Variants in KCND2 observed in about 807,000 individuals in gnomAD.
The protein encoded by KCND2 is potassium voltage-gated channel subfamily D member 2, also known as A-type voltage-gated potassium channel KCND2.
A neutral mutation model predicts 54.4 loss-of-function variants in KCND2; 16 were observed. The ratio of observed to expected loss-of-function variants is 0.29; its 90% CI spans 0.20 to 0.45. The LOEUF is 0.45. Among genes scored for constraint, KCND2 ranks in the 20% least tolerant of loss-of-function variants. The pLI is 1.00. For synonymous variants in KCND2, 317 were observed against 310.7 expected, an observed-to-expected ratio of 1.02 and a Z score of -0.21; for missense variants, 486 against 824.2, an observed-to-expected ratio of 0.59 and a Z score of 5.02.
intron 1 of KCND2, among the ~76,000 whole-genome samples, chr7:120,687,077 C>T (rs867558233): frequency 6.6e-6 from 1 of 152,028 alleles, no homozygotes. Flanking sequence ...GCTTGACTAC[C>T]TACTATAACA....
At chr7:120,504,852 A>G (rs1802990639) in intron 1 of KCND2, among the ~76,000 whole-genome samples, 1 of 151,604 alleles carries the variant, frequency 6.6e-6, no homozygotes, top group South Asian at 2.1e-4. Flanking sequence ...TGCTTGTAGA[A>G]TTCCAGATCA....
At chr7:120,694,562 AT>A (rs993764666) in intron 1 of KCND2, among the ~76,000 whole-genome samples, 26 of 152,206 alleles carry the variant, frequency 1.7e-4, no homozygotes, top group African/African-American at 6.0e-4. Context: ...AACTATAGAT[AT>A]TTTTTTCATA....
chr7:120,463,176 A>G (rs939088022), intron 1 of KCND2, among the ~76,000 whole-genome samples: 1 of 152,024 alleles, frequency 6.6e-6, no homozygotes, highest in Non-Finnish European at 1.5e-5. Context: ...TGGTTAAACC[A>G]TGACTTAATT....
intron 1 of KCND2, among the ~76,000 whole-genome samples, chr7:120,315,154 C>G (rs1799795042): frequency 6.6e-6 from 1 of 152,144 alleles, no homozygotes; most frequent in South Asian, 2.1e-4. Context: ...CAGATCCATG[C>G]AAGCTTGAAA....
chr7:120,642,080 T>G (rs1177761618), intron 1 of KCND2, among the ~76,000 whole-genome samples: 1 of 152,090 alleles, frequency 6.6e-6, no homozygotes, highest in Non-Finnish European at 1.5e-5. Flanking sequence ...AAAGCCTCCT[T>G]TAATAGGGTT....
chr7:120,621,290 A>G (rs868825388), intron 1 of KCND2, among the ~76,000 whole-genome samples: 10,729 of 145,976 alleles, frequency 0.073, 540 homozygotes, highest in Non-Finnish European at 0.079. Flanking sequence ...AAAAAAAAAA[A>G]AAAAAAAAAA....
chr7:120,318,384 T>G (rs143226023), intron 1 of KCND2, among the ~76,000 whole-genome samples: 1 of 152,126 alleles, frequency 6.6e-6, no homozygotes, highest in Non-Finnish European at 1.5e-5. Context: ...TCAGAAATAA[T>G]GTCAAATACT....
intron 1 of KCND2, among the ~76,000 whole-genome samples, chr7:120,321,232 A>C (rs1012521884): frequency 2.6e-5 from 4 of 152,170 alleles, no homozygotes; most frequent in African/African-American, 9.6e-5. Context: ...AACTTGTGAC[A>C]AGTGCAGATT....
At chr7:120,713,743 C>T (rs1792569426) in intron 1 of KCND2, among the ~76,000 whole-genome samples, 1 of 152,120 alleles carries the variant, frequency 6.6e-6, no homozygotes, top group South Asian at 2.1e-4. Context: ...ACTAAAGTAA[C>T]AACTGGGACT....
At chr7:120,634,184 A>G (rs1183755045) in intron 1 of KCND2, among the ~76,000 whole-genome samples, 1 of 152,210 alleles carries the variant, frequency 6.6e-6, no homozygotes, top group Non-Finnish European at 1.5e-5. Flanking sequence ...AACTTGCTTC[A>G]ACTCTTTGAG....
chr7:120,467,992 A>G (rs759270471), intron 1 of KCND2, among the ~76,000 whole-genome samples: 1 of 152,120 alleles, frequency 6.6e-6, no homozygotes, highest in Non-Finnish European at 1.5e-5. Flanking sequence ...CACTGTTAAC[A>G]TTAGTGTTGA....
chr7:120,304,946 C>T (rs531019390), intron 1 of KCND2, among the ~76,000 whole-genome samples: 6 of 152,162 alleles, frequency 3.9e-5, no homozygotes, highest in African/African-American at 1.4e-4. Context: ...CTTGAAGAAA[C>T]CTTCTTCTAT....
chr7:120,463,954 G>C (rs575380865), intron 1 of KCND2: 1 of 518,532 alleles, frequency 1.9e-6, no homozygotes, highest in South Asian at 8.3e-5. Flanking sequence ...TCGACAGATG[G>C]ATAGATGAAT....
chr7:120,381,511 T>TAG (rs1280644857), intron 1 of KCND2, among the ~76,000 whole-genome samples: 1 of 152,152 alleles, frequency 6.6e-6, no homozygotes, highest in Admixed American at 6.6e-5. Flanking sequence ...CCAAATGCTT[T>TAG]ATTTTCTTTT....
At chr7:120,412,733 T>C (rs1485692565) in intron 1 of KCND2, among the ~76,000 whole-genome samples, 1 of 152,072 alleles carries the variant, frequency 6.6e-6, no homozygotes, top group Non-Finnish European at 1.5e-5. Flanking sequence ...CCAGAATGCT[T>C]TCTCCACACA....
At chr7:120,742,272 AAG>A (rs1792951316) in intron 3 of KCND2, 2 of 493,770 alleles carry the variant, frequency 4.1e-6, no homozygotes, top group African/African-American at 3.9e-5. Context: ...GAATGAGTAA[AAG>A]AGATTTCAAA....
intron 1 of KCND2, among the ~76,000 whole-genome samples, chr7:120,656,841 G>A (rs1010803463): frequency 2.6e-5 from 4 of 151,978 alleles, no homozygotes; most frequent in Admixed American, 6.6e-5. Flanking sequence ...GGAGTCCCTC[G>A]TGCAGAATGA....
intron 1 of KCND2, among the ~76,000 whole-genome samples, chr7:120,726,037 A>T (rs934359567): frequency 1.1e-4 from 17 of 152,180 alleles, no homozygotes; most frequent in Admixed American, 3.3e-4. Flanking sequence ...CAGTTTTTTT[A>T]AAATACACTG....
At chr7:120,374,790 C>T (rs1800813988) in intron 1 of KCND2, among the ~76,000 whole-genome samples, 1 of 151,784 alleles carries the variant, frequency 6.6e-6, no homozygotes, top group Non-Finnish European at 1.5e-5. Flanking sequence ...TGGATCATTG[C>T]GTTTCTTCTG....
Sources: allele counts gnomAD v4.1 joint callset (sites outside exome capture counted in the v4.1 genomes callset), GRCh38; gene constraint gnomAD v4.1.1; transcripts MANE v1.5; gene names NCBI Gene and HGNC (gene_info 2026-07-23, HGNC 2026-07-21).